Variants in ARHGEF11 observed in about 807,000 individuals in gnomAD.
ARHGEF11 encodes the protein Rho guanine exchange factor (GEF) 11.
A neutral mutation model predicts 193.7 loss-of-function variants in ARHGEF11; 55 were observed. The observed-to-expected ratio is 0.28, with a 90% CI of 0.23 to 0.36. ARHGEF11 has a LOEUF of 0.36. Among genes scored for constraint, ARHGEF11 ranks in the 10% least tolerant of loss-of-function variants. The pLI is 1.00. For synonymous variants in ARHGEF11, 693 were observed against 768.0 expected (o/e 0.90, Z 1.62); for missense variants, 1,723 against 2,005.6 (o/e 0.86, Z 2.69).
At chr1:156,998,324 C>T (rs963782415) in intron 1 of ARHGEF11, among the ~76,000 whole-genome samples, 4 of 152,196 alleles carry the variant, frequency 2.6e-5, no homozygotes, top group Non-Finnish European at 1.5e-5. Flanking sequence ...AAGCTCACAT[C>T]GGACTTATCC....
chr1:157,042,898 A>G (rs1672931880), intron 1 of ARHGEF11, among the ~76,000 whole-genome samples: 1 of 152,192 alleles, frequency 6.6e-6, no homozygotes, highest in Non-Finnish European at 1.5e-5. Context: ...AACCATTCCA[A>G]TTCCTCACCT....
chr1:156,954,714 C>T (rs1482343927), intron 21 of ARHGEF11, among the ~76,000 whole-genome samples, 178 bp downstream of exon 21: 1 of 152,224 alleles, frequency 6.6e-6, no homozygotes, highest in Non-Finnish European at 1.5e-5. Flanking sequence ...ACAGGGTTTG[C>T]AGCACACAGC....
chr1:156,936,687 T>C (rs1367598601), intron 40 of ARHGEF11, 129 bp downstream of exon 40: 1 of 1,096,110 alleles, frequency 9.1e-7, no homozygotes, highest in Non-Finnish European at 1.3e-6. Flanking sequence ...GCTGAGAGAA[T>C]GAACTCGTTT....
chr1:156,937,175 C>T (rs2101741157), intron 39 of ARHGEF11, 74 bp downstream of exon 39: 1 of 1,600,508 alleles, frequency 6.2e-7, no homozygotes, highest in Non-Finnish European at 8.5e-7. Context: ...CGAAGACACA[C>T]ATCTCACTCA....
intron 1 of ARHGEF11, among the ~76,000 whole-genome samples, chr1:156,995,590 CTG>C (rs1387045634): frequency 6.7e-6 from 1 of 149,840 alleles, no homozygotes; most frequent in Non-Finnish European, 1.5e-5. Context: ...GGGTCTCACT[CTG>C]TTGCCCAGGC....
intron 1 of ARHGEF11, among the ~76,000 whole-genome samples, chr1:157,016,242 A>AT (rs762398766): frequency 6.6e-5 from 10 of 151,852 alleles, no homozygotes; most frequent in African/African-American, 1.2e-4. Flanking sequence ...TTATCTTTTT[A>AT]TTTTTTTTGA....
At position 157,013,259 on chromosome 1, in the gene ARHGEF11, TCACTCACA is replaced by T. The variant is rs1395767664; in HGVS notation, c.33-27094_33-27087del. ...CCCAACTGCTCATAACTCCCCACTA[TCACTCACA>T]CACACACACACACACACACACACAC... On this transcript the variant is annotated intron_variant, in intron 1 of 40. Transcript: ENST00000368194. Among the ~76,000 whole-genome samples the T allele has an allele frequency of 1.3e-4, 14 of 109,576 alleles. 1 individual carries two copies. The highest frequency in any genetic ancestry group is 2.8e-4 in the Admixed American group (3 of 10,690). 71.9% of individuals were successfully genotyped at this position (109,576 alleles called of 152,430 possible). A position where few individuals can be genotyped will look rare whatever the true frequency, so the allele number is the denominator to read the frequency against.
chr1:157,025,933 G>A (rs1441077195), intron 1 of ARHGEF11, among the ~76,000 whole-genome samples: 1 of 152,200 alleles, frequency 6.6e-6, no homozygotes, highest in Non-Finnish European at 1.5e-5. Flanking sequence ...CTGCTTTGAA[G>A]AATAAAAACA....
intron 1 of ARHGEF11, among the ~76,000 whole-genome samples, chr1:156,996,859 A>AATT (rs1346137722): frequency 1.1e-5 from 1 of 93,858 alleles, no homozygotes; most frequent in African/African-American, 4.1e-5. Flanking sequence ...CTCTCTCTCT[A>AATT]TTTTTTTTTT....
intron 14 of ARHGEF11, 82 bp from the exon 15 acceptor site, chr1:156,960,542 T>C: frequency 7.3e-7 from 1 of 1,374,210 alleles, no homozygotes; most frequent in Non-Finnish European, 1.0e-6. Flanking sequence ...GAGGAGGGCT[T>C]GGCCACATGA....
intron 1 of ARHGEF11, among the ~76,000 whole-genome samples, chr1:157,038,152 C>T (rs767764498): frequency 4.0e-5 from 6 of 151,808 alleles, no homozygotes; most frequent in East Asian, 1.9e-4. Context: ...AACCGTCAAG[C>T]GCCACAGATC....
intron 1 of ARHGEF11, among the ~76,000 whole-genome samples, chr1:156,991,907 G>A (rs1665788409): frequency 1.3e-5 from 2 of 149,596 alleles, no homozygotes; most frequent in Non-Finnish European, 1.5e-5. Context: ...TAGTAGAGAC[G>A]GGGTTTCACC....
At chr1:157,026,112 C>T (rs1670600140) in intron 1 of ARHGEF11, among the ~76,000 whole-genome samples, 1 of 152,170 alleles carries the variant, frequency 6.6e-6, no homozygotes, top group Admixed American at 6.5e-5. Context: ...TCCCTGATGA[C>T]GTAAGTATCA....
chr1:157,039,540 C>T (rs1672478423), intron 1 of ARHGEF11, among the ~76,000 whole-genome samples: 1 of 152,110 alleles, frequency 6.6e-6, no homozygotes, highest in Admixed American at 6.6e-5. Context: ...TCAGCAACTT[C>T]TTCAGTACGG....
upstream of ARHGEF11, among the ~76,000 whole-genome samples, chr1:157,046,143 A>T (rs1469451420): frequency 2.0e-5 from 3 of 147,000 alleles, no homozygotes; most frequent in African/African-American, 7.6e-5. Context: ...GGCGCGGCCT[A>T]GCGGGTTCCC....
chr1:156,948,574 T>C lies in ARHGEF11; in HGVS notation c.1926-76A>G. ...GCTTACATCCTGGCTAACTCTTACC[T>C]GTGGCTCCATCTCAAAGATGCCTCC... is the stretch of plus-strand genomic sequence containing the variant. On this transcript the variant is annotated intron_variant, in intron 22 of 40. Coordinates refer to ENST00000368194, the MANE Select transcript of ARHGEF11 (RefSeq NM_198236.3). The surrounding 1 kb of genome is among the most constrained non-coding windows in gnomAD (Gnocchi z 4.2). 1 of 1,612,542 alleles carries C rather than the reference T, an allele frequency of 6.2e-7. No individual in the cohort carries two copies. The highest frequency in any genetic ancestry group is 8.5e-7 in the Non-Finnish European group (1 of 1,179,720).
Position 156,960,548 on chromosome 1 carries a change from C to G in ARHGEF11, c.1240-88G>C, listed in dbSNP as rs1016241064. ...GTGCAAGGCGAGGAGGGCTTGGCCA[C>G]ATGAACTTCTTGCCTTTTCGCCTAC... On this transcript the variant is annotated intron_variant, in intron 14 of 40. Coordinates refer to ENST00000368194, the MANE Select transcript of ARHGEF11 (RefSeq NM_198236.3). 133 of 1,296,366 alleles carry G rather than the reference C, an allele frequency of 1.0e-4. 1 individual carries two copies. The South Asian group carries it at 1.3e-3, about 13-fold the overall frequency. 80.3% of individuals were successfully genotyped at this position (1,296,366 alleles called of 1,614,324 possible).
chr1:156,942,942 C>T (rs1657353829), intron 32 of ARHGEF11, among the ~76,000 whole-genome samples, 162 bp from the exon 33 acceptor site: 1 of 152,264 alleles, frequency 6.6e-6, no homozygotes, highest in South Asian at 2.1e-4. Context: ...TTGGAACCCA[C>T]TTACATAAGG....
chr1:156,947,390 TAGA>T lies in ARHGEF11; in HGVS notation c.2399_2401del (p.Phe800del). ...CAGGTTCTCCTTCTTCATTCGCTGG[TAGA>T]AGATCAGGTCCAGGACCCGGAGTGT... On this transcript the variant is annotated inframe_deletion, in exon 26 of 41. Transcript: ENST00000368194. 1 of 1,614,008 alleles carries T rather than the reference TAGA, an allele frequency of 6.2e-7. No individual in the cohort carries two copies. The highest frequency in any genetic ancestry group is 8.5e-7 in the Non-Finnish European group (1 of 1,180,006).
Sources: allele counts gnomAD v4.1 joint callset (sites outside exome capture counted in the v4.1 genomes callset), GRCh38; gene constraint gnomAD v4.1.1; non-coding constraint Gnocchi (gnomAD v3.1); transcripts MANE v1.5; gene names NCBI Gene and HGNC (gene_info 2026-07-23, HGNC 2026-07-21).